RYR2: variants seen among roughly 807,000 people sequenced by gnomAD.
The protein encoded by RYR2 is ryanodine receptor 2.
In RYR2, 227 loss-of-function variants were observed where a neutral mutation model predicts 601.1. The ratio of observed to expected loss-of-function variants is 0.38; its 90% CI spans 0.34 to 0.42. RYR2 has a LOEUF of 0.42. RYR2 is among the 10% of genes least tolerant of loss of function. RYR2 has a pLI of 1.00. For synonymous variants in RYR2, 2,223 were observed against 2,175.1 expected, an observed-to-expected ratio of 1.02 and a Z score of -0.61; for missense variants, 4,646 against 6,156.5, an observed-to-expected ratio of 0.75 and a Z score of 8.21.
chr1:237,762,934 C>A (rs578080495), intron 84 of RYR2, among the ~76,000 whole-genome samples: 34 of 152,272 alleles, frequency 2.2e-4, no homozygotes, highest in Middle Eastern at 3.4e-3. Context: ...AATGAACTGT[C>A]TTTTGTTTAT....
rs111947371 is a variant in RYR2 at position 237,644,699 on chromosome 1, A to G, written c.7342+1252A>G. ...TCAATACTTTATTGGATATTTATAC[A>G]TAAATCATTTACATGAAAGACTTCT... On this transcript the variant is annotated intron_variant, in intron 48 of 104. Transcript: ENST00000366574. Among the ~76,000 whole-genome samples, 1,082 of 152,328 alleles carry G rather than the reference A, an allele frequency of 7.1e-3. 10 individuals are homozygous for G. The highest frequency in any genetic ancestry group is 0.022 in the East Asian group (115 of 5,184).
intron 1 of RYR2, among the ~76,000 whole-genome samples, chr1:237,146,072 T>C (rs2148785806): frequency 6.6e-6 from 1 of 152,332 alleles, no homozygotes; most frequent in Admixed American, 6.5e-5. Context: ...AGAGGGACTA[T>C]AGCATATATT....
intron 1 of RYR2, among the ~76,000 whole-genome samples, chr1:237,092,134 T>C (rs1667021000): frequency 6.6e-6 from 1 of 152,136 alleles, no homozygotes; most frequent in African/African-American, 2.4e-5. Flanking sequence ...AGGGAAAGCA[T>C]GTTGAGAGAA....
intron 39 of RYR2, among the ~76,000 whole-genome samples, chr1:237,625,439 A>T (rs991564584): frequency 6.6e-6 from 1 of 152,132 alleles, no homozygotes; most frequent in Admixed American, 6.5e-5. Flanking sequence ...TCTGGGTGAC[A>T]GCCCTGAGCC....
At chr1:237,407,137 C>A (rs574611852) in intron 10 of RYR2, among the ~76,000 whole-genome samples, 1 of 152,192 alleles carries the variant, frequency 6.6e-6, no homozygotes, top group South Asian at 2.1e-4. Context: ...CATATATGGC[C>A]CCTCTATATC....
chr1:237,408,201 T>G (rs1704095089), intron 10 of RYR2, among the ~76,000 whole-genome samples: 1 of 152,058 alleles, frequency 6.6e-6, no homozygotes, highest in Non-Finnish European at 1.5e-5. Context: ...GTGTTACATT[T>G]AGGCCTATGG....
At chr1:237,063,289 G>A (rs1663111185) in intron 1 of RYR2, among the ~76,000 whole-genome samples, 1 of 152,106 alleles carries the variant, frequency 6.6e-6, no homozygotes. Flanking sequence ...AAGCCACCAG[G>A]TCTGTGGGAC....
chr1:237,623,677 C>A, intron 38 of RYR2, 88 bp from the exon 39 acceptor site: 1 of 776,398 alleles, frequency 1.3e-6, no homozygotes, highest in Non-Finnish European at 2.1e-6. Context: ...CAGGCATGAG[C>A]CACTCCGCCC....
At chr1:237,358,984 C>T (rs997267912) in intron 4 of RYR2, among the ~76,000 whole-genome samples, 1 of 152,088 alleles carries the variant, frequency 6.6e-6, no homozygotes, top group Non-Finnish European at 1.5e-5. Flanking sequence ...CAGCCACCCT[C>T]TTTGACATCC....
chr1:237,274,035 A>G (rs1471357398), intron 2 of RYR2, among the ~76,000 whole-genome samples: 1 of 143,794 alleles, frequency 7.0e-6, no homozygotes, highest in Non-Finnish European at 1.5e-5. Flanking sequence ...TTTATATTAT[A>G]TATAATATTT....
At chr1:237,548,844 G>A (rs145991982) in intron 26 of RYR2, among the ~76,000 whole-genome samples, 183 of 152,260 alleles carry the variant, frequency 1.2e-3, no homozygotes, top group African/African-American at 4.0e-3. Context: ...TGGTTTTGTG[G>A]TATTTCTCTC....
At chr1:237,342,941 G>T (rs943585149) in intron 3 of RYR2, among the ~76,000 whole-genome samples, 19 of 152,202 alleles carry the variant, frequency 1.2e-4, no homozygotes, top group African/African-American at 4.3e-4. Context: ...AGGCGCTGTG[G>T]CCCACGCCTG....
At chr1:237,184,417 C>G (rs1048090916) in intron 1 of RYR2, among the ~76,000 whole-genome samples, 1 of 152,110 alleles carries the variant, frequency 6.6e-6, no homozygotes, top group African/African-American at 2.4e-5. Flanking sequence ...TTACGGAATA[C>G]AATTGACAAG....
intron 1 of RYR2, chr1:237,267,649 A>G: frequency 3.9e-6 from 1 of 256,462 alleles, no homozygotes; most frequent in Non-Finnish European, 8.3e-6. Flanking sequence ...GCTCATATTG[A>G]GAGCTTCTTA....
At chr1:237,234,848 G>A (rs1685391886) in intron 1 of RYR2, among the ~76,000 whole-genome samples, 1 of 151,706 alleles carries the variant, frequency 6.6e-6, no homozygotes, top group Non-Finnish European at 1.5e-5. Context: ...GTTGTTGTAT[G>A]TGGCTTCTGT....
chr1:237,584,271 A>G (rs1674257778), intron 29 of RYR2, among the ~76,000 whole-genome samples: 1 of 152,184 alleles, frequency 6.6e-6, no homozygotes, highest in African/African-American at 2.4e-5. Flanking sequence ...AACCCCAGTT[A>G]TGTTTAGCTA....
chr1:237,707,322 G>C (rs1688466611), intron 68 of RYR2, 53 bp downstream of exon 68: 8 of 963,764 alleles, frequency 8.3e-6, no homozygotes, highest in South Asian at 3.4e-5. Flanking sequence ...ATTTCCAAAA[G>C]AATTTTAAAT....
intron 16 of RYR2, among the ~76,000 whole-genome samples, chr1:237,459,036 T>A (rs959565032): frequency 6.6e-6 from 1 of 152,266 alleles, no homozygotes; most frequent in African/African-American, 2.4e-5. Flanking sequence ...TTTGGATTCA[T>A]CATTTTACCC....
chr1:237,421,686 A>C (rs2150051072), intron 11 of RYR2, among the ~76,000 whole-genome samples: 1 of 152,338 alleles, frequency 6.6e-6, no homozygotes, highest in South Asian at 2.1e-4. Context: ...ACCCAAGTTT[A>C]TTAAATAATA....
Sources: gnomAD v4.1 joint callset for allele counts (sites outside exome capture counted in the v4.1 genomes callset) on GRCh38, gnomAD v4.1.1 for gene constraint, MANE v1.5 for transcripts, NCBI Gene and HGNC (gene_info 2026-07-23, HGNC 2026-07-21) for gene names.